Variants in METTL25 observed in about 807,000 individuals in gnomAD.
METTL25 encodes probable methyltransferase-like protein 25.
In METTL25, 64 loss-of-function variants were observed where a neutral mutation model predicts 71.6. The ratio of observed to expected loss-of-function variants is 0.89; its 90% CI spans 0.73 to 1.10. METTL25 has a LOEUF of 1.10. Among genes scored for constraint, METTL25 ranks in the 50% least tolerant of loss-of-function variants. The probability of loss-of-function intolerance (pLI) is 0.00; values close to 1 mark genes in which losing one functional copy is unlikely to be tolerated. For missense variants in METTL25, 807 were observed against 707.0 expected, an observed-to-expected ratio of 1.14 and a Z score of -1.60; for synonymous variants, 287 against 250.3, an observed-to-expected ratio of 1.15 and a Z score of -1.38.
intron 7 of METTL25, among the ~76,000 whole-genome samples, chr12:82,438,010 T>C (rs1380430818): frequency 1.3e-5 from 2 of 151,706 alleles, no homozygotes; most frequent in Admixed American, 1.3e-4. Flanking sequence ...CTTTTATAAA[T>C]AGTAATGTTT....
At chr12:82,398,116 T>A (rs1886242182) in intron 3 of METTL25, among the ~76,000 whole-genome samples, 1 of 151,972 alleles carries the variant, frequency 6.6e-6, no homozygotes, top group African/African-American at 2.4e-5. Context: ...TTTATATCAA[T>A]TTTTTAGTTT....
chr12:82,377,113 C>G (rs77111716), intron 1 of METTL25, among the ~76,000 whole-genome samples: 1 of 138,332 alleles, frequency 7.2e-6, no homozygotes, highest in Non-Finnish European at 1.6e-5. Flanking sequence ...GACTCTGTCT[C>G]AAAAAAAAAA....
At chr12:82,382,527 A>G (rs764473467) in intron 1 of METTL25, among the ~76,000 whole-genome samples, 33 of 152,276 alleles carry the variant, frequency 2.2e-4, no homozygotes, top group Admixed American at 4.6e-4. Flanking sequence ...TGATGCTACA[A>G]ACTGTACTGA....
intron 1 of METTL25, among the ~76,000 whole-genome samples, chr12:82,360,847 C>A (rs1227015984): frequency 1.3e-5 from 2 of 152,096 alleles, no homozygotes; most frequent in Non-Finnish European, 2.9e-5. Context: ...GCGGCGTGTC[C>A]AGAGTTTGTT....
chr12:82,470,521 C>T (rs1892509713), intron 9 of METTL25, among the ~76,000 whole-genome samples: 2 of 152,086 alleles, frequency 1.3e-5, no homozygotes, highest in South Asian at 4.2e-4. Flanking sequence ...AGTAAACAAC[C>T]AGCAGGCTCT....
intron 9 of METTL25, among the ~76,000 whole-genome samples, chr12:82,463,554 G>A (rs1434246161): frequency 6.6e-6 from 1 of 151,988 alleles, no homozygotes; most frequent in Non-Finnish European, 1.5e-5. Context: ...TAGGGATGCA[G>A]ATAGCTCTTT....
intron 1 of METTL25, among the ~76,000 whole-genome samples, chr12:82,365,927 A>G (rs1181277864): frequency 6.6e-6 from 1 of 152,090 alleles, no homozygotes; most frequent in Admixed American, 6.5e-5. Flanking sequence ...CTAAAAATAC[A>G]AAAAATCAGC....
rs546680881 is a variant in METTL25, at chr12:82,423,674, A to G, written c.1280-7219A>G. 2.4e-3 allele frequency among the ~76,000 whole-genome samples: 358 copies of G among 152,316 alleles called. 2 individuals carry two copies. Among genetic ancestry groups the G allele is most frequent in the South Asian group, 8.7e-3 (42 of 4,826 alleles). On this transcript the variant is annotated intron_variant, in intron 5 of 11. Transcript: ENST00000248306. ...AAAGGGCTAATATCCAGAATCTACA[A>G]TGAACTCAAACAAATTTACAAGAAA...
intron 9 of METTL25, among the ~76,000 whole-genome samples, chr12:82,460,976 T>A (rs1020655619): frequency 4.6e-5 from 7 of 152,088 alleles, no homozygotes; most frequent in Non-Finnish European, 8.8e-5. Context: ...ACCCCATCTC[T>A]ACTAAAACTA....
rs5799585 is a variant in METTL25 at position 82,416,446 on chromosome 12, G to GTT, written c.1279+13330_1279+13331dup. 4.0e-3 allele frequency among the ~76,000 whole-genome samples: 541 copies of GTT among 136,702 alleles called. 15 individuals are homozygous for GTT. The highest frequency in any genetic ancestry group is 0.025 in the South Asian group (111 of 4,390). The allele number at this position is 136,702 out of a possible 152,430, so 89.7% of individuals were successfully genotyped here. A position where few individuals can be genotyped will look rare whatever the true frequency, so the allele number is the denominator to read the frequency against. ...TTATTTAATTATATTTATCATTTAG[G>GTT]TTTTTTTTTTTTTTTGAGACAGGGT... On this transcript the variant is annotated intron_variant, in intron 5 of 11. Transcript: ENST00000248306.
chr12:82,417,500 A>G (rs185209118), intron 5 of METTL25, among the ~76,000 whole-genome samples: 8 of 152,336 alleles, frequency 5.3e-5, no homozygotes, highest in Admixed American at 3.3e-4. Flanking sequence ...CTCCCTTCAC[A>G]TATTTCTTGC....
chr12:82,399,030 C>G lies in METTL25; in HGVS notation c.767C>G (p.Ala256Gly). 6.2e-7 allele frequency: 1 copy of G among 1,611,602 alleles called. No individual in the cohort carries two copies. Among genetic ancestry groups the G allele is most frequent in the Non-Finnish European group, 8.5e-7 (1 of 1,178,688 alleles). Residue 256 changes from alanine (A) to glycine (G), a missense_variant, in exon 4 of 12, where the codon GCT (alanine) becomes GGT (glycine). By Grantham distance (60) the Ala-to-Gly change is moderately conservative (BLOSUM62 0). Transcript: ENST00000248306. The part of the protein sequence containing the change: ...RKVQNKVKNK[A>G]DTEEVFNNSP... ...GTGCAAAATAAAGTTAAAAATAAAG[C>G]TGATACTGAGGAAGTGTTTAACAAC...
intron 9 of METTL25, among the ~76,000 whole-genome samples, chr12:82,471,665 C>A (rs1892577043): frequency 6.6e-6 from 1 of 152,178 alleles, no homozygotes; most frequent in Admixed American, 6.5e-5. Flanking sequence ...CCAACTATGT[C>A]ATATGATGGT....
At chr12:82,428,547 T>A (rs1395486291) in intron 5 of METTL25, among the ~76,000 whole-genome samples, 1 of 151,922 alleles carries the variant, frequency 6.6e-6, no homozygotes, top group African/African-American at 2.4e-5. Context: ...TTTGAAGTCA[T>A]CTTGGAAATA....
intron 1 of METTL25, among the ~76,000 whole-genome samples, chr12:82,377,061 C>T (rs1232584298): frequency 3.3e-5 from 5 of 151,656 alleles, no homozygotes; most frequent in East Asian, 1.9e-4. Context: ...TGCACTGAGC[C>T]GAGATCATGC....
chr12:82,362,085 A>G (rs530237287), intron 1 of METTL25, among the ~76,000 whole-genome samples: 9 of 152,244 alleles, frequency 5.9e-5, no homozygotes, highest in Non-Finnish European at 1.2e-4. Context: ...TTGGTGTTTT[A>G]TGGAACAAAG....
intron 11 of METTL25, 24 bp downstream of exon 11, chr12:82,477,376 C>A (rs74106545): frequency 1.0e-4 from 130 of 1,259,000 alleles, no homozygotes; most frequent in Non-Finnish European, 1.4e-4. Context: ...TTTTAAAATA[C>A]ACAACAAATA....
chr12:82,407,319 C>A (rs1565837847), intron 5 of METTL25, among the ~76,000 whole-genome samples: 1 of 152,108 alleles, frequency 6.6e-6, no homozygotes, highest in Non-Finnish European at 1.5e-5. Flanking sequence ...TTTGTCTTCT[C>A]TTCTGAAGTT....
intron 8 of METTL25, among the ~76,000 whole-genome samples, chr12:82,454,465 G>T (rs376792779): frequency 6.6e-6 from 1 of 152,012 alleles, no homozygotes; most frequent in Non-Finnish European, 1.5e-5. Flanking sequence ...CAACTTTCTA[G>T]TTCTAGTTGA....
Sources: allele counts gnomAD v4.1 joint callset (sites outside exome capture counted in the v4.1 genomes callset), GRCh38; gene constraint gnomAD v4.1.1; transcripts MANE v1.5; gene names NCBI Gene and HGNC (gene_info 2026-07-23, HGNC 2026-07-21).